ASXL2: variants seen among roughly 807,000 people sequenced by gnomAD.
ASXL2 encodes putative Polycomb group protein ASXL2.
ASXL2 carries 23 observed loss-of-function variants against 122.0 expected under a neutral mutation model. That is an observed-to-expected ratio of 0.19 (90% confidence interval 0.14 to 0.27). ASXL2 has a LOEUF of 0.27. Among genes scored for constraint, ASXL2 ranks in the 10% least tolerant of loss-of-function variants. The pLI is 1.00. For synonymous variants in ASXL2, 650 were observed against 637.0 expected, an observed-to-expected ratio of 1.02 and a Z score of -0.31; for missense variants, 1,518 against 1,713.8, an observed-to-expected ratio of 0.89 and a Z score of 2.02.
chr2:25,845,479 A>C lies in ASXL2; in HGVS notation c.140+2T>G. 6.9e-7 allele frequency: 1 copy of C among 1,449,366 alleles called. No homozygotes were observed. Among genetic ancestry groups the C allele is most frequent in the Non-Finnish European group, 9.2e-7 (1 of 1,081,768 alleles). The allele number at this position is 1,449,366 out of a possible 1,614,324, so 89.8% of individuals were successfully genotyped here. A position where few individuals can be genotyped will look rare whatever the true frequency, so the allele number is the denominator to read the frequency against. Reference sequence around the variant, plus strand: ...ATTACTAAAAATATTTAAATAACTCACCTGATTTCTTTTAGTCCTTCTCTC... The same window carrying C: ...ATTACTAAAAATATTTAAATAACTCCCCTGATTTCTTTTAGTCCTTCTCTC... On this transcript the variant is annotated splice_donor_variant, in intron 2 of 12. Coordinates refer to ENST00000435504, the MANE Select transcript of ASXL2 (RefSeq NM_018263.6). LOFTEE classifies it high-confidence loss of function.
Position 25,773,208 on chromosome 2 carries a change from A to C in ASXL2, c.404-1668T>G, listed in dbSNP as rs1424625776. Among the ~76,000 whole-genome samples the C allele has an allele frequency of 4.1e-5, 6 of 144,722 alleles. No individual in the cohort carries two copies. The Admixed American group carries it at 4.2e-4, about 10-fold the overall frequency. The allele number at this position is 144,722 out of a possible 152,430, so 94.9% of individuals were successfully genotyped here. On this transcript the variant is annotated intron_variant, in intron 5 of 12. Coordinates refer to ENST00000435504, the MANE Select transcript of ASXL2 (RefSeq NM_018263.6). ...GGGTGACAGAGCGAGAGTCCATCTC[A>C]AAAAAAAAAAAAGATGCTGACTTAT...
At chr2:25,846,071 C>T (rs2089644165) in intron 1 of ASXL2, among the ~76,000 whole-genome samples, 1 of 152,158 alleles carries the variant, frequency 6.6e-6, no homozygotes, top group Non-Finnish European at 1.5e-5. Context: ...TTTTGTTTCC[C>T]TCTGGTAGCT....
At chr2:25,756,620 T>TG (rs1318691054) in intron 9 of ASXL2, among the ~76,000 whole-genome samples, 1 of 152,194 alleles carries the variant, frequency 6.6e-6, no homozygotes, top group African/African-American at 2.4e-5. Context: ...CAAACGTATG[T>TG]GGGTTGACAT....
At chr2:25,833,568 C>T (rs1413939453) in intron 3 of ASXL2, among the ~76,000 whole-genome samples, 3 of 152,014 alleles carry the variant, frequency 2.0e-5, no homozygotes, top group East Asian at 1.9e-4. Flanking sequence ...TGGTAGCGTG[C>T]GCCTGTAATC....
chr2:25,792,028 GCT>G (rs1048855819), intron 5 of ASXL2, among the ~76,000 whole-genome samples: 4 of 152,116 alleles, frequency 2.6e-5, no homozygotes, highest in African/African-American at 7.2e-5. Context: ...ACAGGGTCTC[GCT>G]CTGTCACCTA....
In ASXL2 at chr2:25,744,038, T is replaced by G. The variant is rs2087897182; in HGVS notation, c.2299A>C (p.Ser767Arg). Residue 767 changes from serine (S) to arginine (R), a missense_variant, in exon 13 of 13, where the codon AGT (serine) becomes CGT (arginine). Physicochemically the swap from Ser to Arg is moderately radical, Grantham distance 110 (BLOSUM62 -1). Transcript: ENST00000435504. The surrounding 1 kb of genome is among the most constrained non-coding windows in gnomAD (Gnocchi z 4.7). Reference sequence around the variant, plus strand: ...TGCTGTAGTTGTGCTCCAGAGACACTATGAGGCTGTGCCTGGCTTGGGGTG... The same window carrying G: ...TGCTGTAGTTGTGCTCCAGAGACACGATGAGGCTGTGCCTGGCTTGGGGTG... Reference protein sequence around the residue: ...KTTPSQAQPHSVSGAQLQQTP... With the variant: ...KTTPSQAQPHRVSGAQLQQTP... 1 of 1,613,844 alleles carries G rather than the reference T, an allele frequency of 6.2e-7. No individual in the cohort carries two copies. The highest frequency in any genetic ancestry group is 8.5e-7 in the Non-Finnish European group (1 of 1,179,870).
intron 2 of ASXL2, among the ~76,000 whole-genome samples, chr2:25,840,201 T>G (rs1193373375): frequency 2.0e-5 from 3 of 152,212 alleles, no homozygotes; most frequent in Non-Finnish European, 4.4e-5. Flanking sequence ...GTAATGCTTT[T>G]ATAAAAAAAT....
intron 1 of ASXL2, among the ~76,000 whole-genome samples, chr2:25,859,305 A>G (rs1235915724): frequency 1.3e-5 from 2 of 151,366 alleles, no homozygotes; most frequent in Admixed American, 6.6e-5. Context: ...CTTATATTTT[A>G]TACTTTTCTA....
intron 1 of ASXL2, among the ~76,000 whole-genome samples, chr2:25,850,957 G>A (rs2089708975): frequency 6.6e-6 from 1 of 152,072 alleles, no homozygotes; most frequent in African/African-American, 2.4e-5. Context: ...TGGCCAACAT[G>A]GTGAAACCTC....
chr2:25,805,187 T>G (rs951820727), intron 4 of ASXL2, among the ~76,000 whole-genome samples: 1 of 152,214 alleles, frequency 6.6e-6, no homozygotes, highest in Non-Finnish European at 1.5e-5. Flanking sequence ...AATCCAATCT[T>G]CTGAACTTTG....
chr2:25,847,033 T>C (rs1251459068), intron 1 of ASXL2, among the ~76,000 whole-genome samples: 1 of 152,242 alleles, frequency 6.6e-6, no homozygotes, highest in Non-Finnish European at 1.5e-5. Context: ...GATATATACG[T>C]ATATTTCATG....
At chr2:25,777,588 T>TAA (rs11413577) in intron 5 of ASXL2, among the ~76,000 whole-genome samples, 11 of 144,618 alleles carry the variant, frequency 7.6e-5, no homozygotes, top group African/African-American at 2.5e-4. Context: ...TATCGTTTAA[T>TAA]AAAAAAAAAA....
intron 3 of ASXL2, among the ~76,000 whole-genome samples, chr2:25,814,698 T>C (rs182330537): frequency 1.3e-5 from 2 of 152,368 alleles, no homozygotes; most frequent in African/African-American, 4.8e-5. Context: ...TTTGATCATA[T>C]TGCCAATGGC....
intron 3 of ASXL2, among the ~76,000 whole-genome samples, chr2:25,827,601 T>G (rs1259495470): frequency 1.3e-5 from 2 of 152,242 alleles, no homozygotes; most frequent in Admixed American, 1.3e-4. Flanking sequence ...CTTTTAACTT[T>G]GATTTAAAAA....
At chr2:25,790,311 A>G (rs11685550) in intron 5 of ASXL2, among the ~76,000 whole-genome samples, 72,238 of 105,924 alleles carry the variant, frequency 0.68, 21,843 homozygotes, top group South Asian at 0.75. Context: ...TATGAGTCGC[A>G]GTTGCGGGGT....
At chr2:25,790,430 AC>A (rs1158212476) in intron 5 of ASXL2, among the ~76,000 whole-genome samples, 2 of 151,616 alleles carry the variant, frequency 1.3e-5, no homozygotes, top group South Asian at 2.1e-4. Flanking sequence ...TTAAAAAAAA[AC>A]ATAAAAAAAG....
At chr2:25,791,435 C>T (rs990647256) in intron 5 of ASXL2, among the ~76,000 whole-genome samples, 3 of 150,700 alleles carry the variant, frequency 2.0e-5, no homozygotes, top group African/African-American at 7.3e-5. Flanking sequence ...TGCAGTGAGC[C>T]GAGATCATGC....
chr2:25,772,264 A>G (rs562473990), intron 5 of ASXL2, among the ~76,000 whole-genome samples: 4 of 152,264 alleles, frequency 2.6e-5, no homozygotes, highest in African/African-American at 9.6e-5. Context: ...TAAATACAGA[A>G]ATTGCTGATT....
intron 5 of ASXL2, among the ~76,000 whole-genome samples, chr2:25,792,708 T>G (rs990388859): frequency 6.6e-6 from 1 of 151,828 alleles, no homozygotes; most frequent in African/African-American, 2.4e-5. Context: ...TGGGTTCAAG[T>G]GATTCTCTTG....
Sources: gnomAD v4.1 joint callset for allele counts (sites outside exome capture counted in the v4.1 genomes callset) on GRCh38, gnomAD v4.1.1 for gene constraint, Gnocchi (gnomAD v3.1) non-coding constraint, MANE v1.5 for transcripts, NCBI Gene and HGNC (gene_info 2026-07-23, HGNC 2026-07-21) for gene names.